UTRN: variants seen among roughly 807,000 people sequenced by gnomAD.
UTRN encodes utrophin.
A neutral mutation model predicts 463.9 loss-of-function variants in UTRN; 283 were observed. The ratio of observed to expected loss-of-function variants is 0.61; its 90% confidence interval spans 0.55 to 0.67. The LOEUF is 0.67. UTRN is among the 30% of genes least tolerant of loss of function. UTRN has a pLI of 0.00. For synonymous variants in UTRN, 1,442 were observed against 1,431.5 expected, an observed-to-expected ratio of 1.01 and a Z score of -0.17; for missense variants, 3,922 against 4,084.3, an observed-to-expected ratio of 0.96 and a Z score of 1.08.
intron 58 of UTRN, among the ~76,000 whole-genome samples, chr6:144,759,884 A>G (rs527749907): frequency 1.3e-5 from 2 of 152,260 alleles, no homozygotes; most frequent in South Asian, 4.1e-4. Flanking sequence ...TGCATGTACT[A>G]TAAAAAAATC....
intron 33 of UTRN, among the ~76,000 whole-genome samples, chr6:144,495,282 G>A (rs1248932795): frequency 1.3e-5 from 2 of 152,218 alleles, no homozygotes; most frequent in Admixed American, 6.5e-5. Flanking sequence ...TGCAGGTCCC[G>A]AGCCCTGCCC....
chr6:144,539,561 G>T, intron 45 of UTRN, 118 bp downstream of exon 45: 1 of 1,004,018 alleles, frequency 1.0e-6, no homozygotes, highest in Non-Finnish European at 1.4e-6. Context: ...TTTTACTAAA[G>T]CTTACTAATG....
intron 23 of UTRN, among the ~76,000 whole-genome samples, chr6:144,463,162 G>A (rs1447486392): frequency 6.6e-6 from 1 of 152,222 alleles, no homozygotes; most frequent in Non-Finnish European, 1.5e-5. Context: ...GTGAAATACA[G>A]ACTGTTGATT....
intron 2 of UTRN, among the ~76,000 whole-genome samples, chr6:144,312,605 G>A (rs1441485449): frequency 2.0e-5 from 3 of 152,052 alleles, no homozygotes; most frequent in Non-Finnish European, 4.4e-5. Context: ...AATATATACA[G>A]AATTTCCCTT....
intron 3 of UTRN, among the ~76,000 whole-genome samples, chr6:144,409,319 A>G (rs1783682632): frequency 6.6e-6 from 1 of 152,344 alleles, no homozygotes; most frequent in African/African-American, 2.4e-5. Context: ...TTAATATGCT[A>G]TGCTTTGATG....
chr6:144,454,310 C>A (rs1788609485), intron 19 of UTRN, among the ~76,000 whole-genome samples: 1 of 151,924 alleles, frequency 6.6e-6, no homozygotes, highest in Non-Finnish European at 1.5e-5. Context: ...TTATTTACTA[C>A]AGTATTTTTA....
Position 144,407,623 on chromosome 6 carries a change from G to A in UTRN, c.141+4439G>A, listed in dbSNP as rs1318566538. ...TTAAATTCACTGTGAAGAAAAATAA[G>A]ACTTAAAACTTAAAGCCAGAACAAT... On this transcript the variant is annotated intron_variant, in intron 3 of 74. Transcript: ENST00000367545. Among the ~76,000 whole-genome samples, 3 of 152,140 alleles carry A rather than the reference G, an allele frequency of 2.0e-5. No homozygotes were observed. The South Asian group carries it at 6.2e-4, about 31-fold the overall frequency.
chr6:144,741,285 G>A (rs1439279337), intron 54 of UTRN, among the ~76,000 whole-genome samples: 1 of 152,200 alleles, frequency 6.6e-6, no homozygotes, highest in African/African-American at 2.4e-5. Context: ...ACTAGGGGCT[G>A]TGTTTAGCTG....
intron 43 of UTRN, among the ~76,000 whole-genome samples, chr6:144,535,063 G>A (rs1797405962): frequency 6.6e-6 from 1 of 152,160 alleles, no homozygotes; most frequent in South Asian, 2.1e-4. Context: ...GTCTTAGCTT[G>A]AAATGATTTA....
chr6:144,684,583 C>G (rs535356042), intron 52 of UTRN, among the ~76,000 whole-genome samples: 1 of 152,266 alleles, frequency 6.6e-6, no homozygotes, highest in Non-Finnish European at 1.5e-5. Flanking sequence ...AGACTGTTTT[C>G]CAGAGTACAC....
At chr6:144,566,456 G>T (rs1585308565) in intron 50 of UTRN, among the ~76,000 whole-genome samples, 2 of 152,136 alleles carry the variant, frequency 1.3e-5, no homozygotes, top group East Asian at 3.9e-4. Flanking sequence ...AATGCAGATG[G>T]AAGTGGGAGA....
intron 34 of UTRN, 90 bp from the exon 35 acceptor site, chr6:144,510,854 G>T: frequency 8.5e-7 from 1 of 1,178,760 alleles, no homozygotes. Flanking sequence ...CTTTGTATAT[G>T]TGGCAGAAAA....
At chr6:144,593,824 TTTGA>T (rs1389139013) in intron 51 of UTRN, among the ~76,000 whole-genome samples, 1 of 152,218 alleles carries the variant, frequency 6.6e-6, no homozygotes, top group East Asian at 1.9e-4. Context: ...GCCAGATCTT[TTTGA>T]CTGTTTCCAA....
chr6:144,335,105 C>A (rs1162399171), intron 2 of UTRN, among the ~76,000 whole-genome samples: 1 of 152,214 alleles, frequency 6.6e-6, no homozygotes, highest in Non-Finnish European at 1.5e-5. Flanking sequence ...TTAAAACCAA[C>A]TTTGCCATGT....
intron 53 of UTRN, among the ~76,000 whole-genome samples, chr6:144,722,621 T>C: frequency 6.6e-6 from 1 of 152,192 alleles, no homozygotes. Flanking sequence ...CTGTGTAACA[T>C]AGGAACCCTT....
intron 3 of UTRN, among the ~76,000 whole-genome samples, chr6:144,417,187 G>A (rs1048307917): frequency 1.3e-5 from 2 of 151,962 alleles, no homozygotes; most frequent in Non-Finnish European, 1.5e-5. Context: ...CTCTTTGGGG[G>A]GCCACTAAAT....
At chr6:144,459,080 G>C in intron 20 of UTRN, 69 bp downstream of exon 20, 3 of 1,562,832 alleles carry the variant, frequency 1.9e-6, no homozygotes, top group South Asian at 1.2e-5. Context: ...AGGGCTTCTC[G>C]TATCATGAAC....
intron 50 of UTRN, among the ~76,000 whole-genome samples, chr6:144,576,783 T>G (rs990094852): frequency 6.6e-6 from 1 of 152,184 alleles, no homozygotes; most frequent in East Asian, 1.9e-4. Flanking sequence ...GCCTTTTGTA[T>G]TGACCTACAA....
chr6:144,656,811 G>A (rs1194202387), intron 51 of UTRN, among the ~76,000 whole-genome samples: 1 of 152,110 alleles, frequency 6.6e-6, no homozygotes, highest in Non-Finnish European at 1.5e-5. Flanking sequence ...ATTTTTAGTT[G>A]CTTTCTTGTG....
Sources: gnomAD v4.1 joint callset for allele counts (sites outside exome capture counted in the v4.1 genomes callset) on GRCh38, gnomAD v4.1.1 for gene constraint, MANE v1.5 for transcripts, NCBI Gene and HGNC (gene_info 2026-07-23, HGNC 2026-07-21) for gene names.